DOCK8: variants seen among roughly 807,000 people sequenced by gnomAD.
The protein encoded by DOCK8 is dedicator of cytokinesis 8.
Under a neutral mutation model 245.6 loss-of-function variants are expected in DOCK8, and 141 were observed. That is an observed-to-expected ratio of 0.57 (90% CI 0.50 to 0.66). The LOEUF is 0.66. Ranked by LOEUF, DOCK8 falls within the 30% of genes least tolerant of loss-of-function variation. DOCK8 has a pLI of 0.00. For missense variants in DOCK8, 2,965 were observed against 2,603.4 expected (o/e 1.14, Z -3.02); for synonymous variants, 1,168 against 970.2 (o/e 1.20, Z -3.79).
In DOCK8 at chr9:434,954, C is replaced by T. The variant is rs190854825; in HGVS notation, c.5058C>T (p.Pro1686=). The change falls in exon 39 of 48, where the codon CCC becomes CCT. Residue 1686 remains proline, a synonymous_variant. Transcript: ENST00000432829. ...TGCTGGAGGACCACAGCTACCTGCCCGTGGGCAGTGTCAGCTTCCAGGTAG... is the reference window on the plus strand; with the variant it reads ...TGCTGGAGGACCACAGCTACCTGCCTGTGGGCAGTGTCAGCTTCCAGGTAG... ...LSMLEDHSYL[P]VGSVSFQNIS... is the part of the protein sequence containing the mutation. 1.2e-4 allele frequency: 195 copies of T among 1,613,016 alleles called. No individual in the cohort carries two copies. The highest frequency in any genetic ancestry group is 4.0e-4 in the Admixed American group (24 of 60,026).
At chr9:256,468 G>A (rs1044273181) in intron 1 of DOCK8, among the ~76,000 whole-genome samples, 4 of 152,188 alleles carry the variant, frequency 2.6e-5, no homozygotes, top group African/African-American at 9.7e-5. Flanking sequence ...CCATGAGGGA[G>A]CTGTTATGAG....
chr9:435,026 A>G (rs536746040), intron 39 of DOCK8, 51 bp downstream of exon 39: 2 of 1,599,632 alleles, frequency 1.3e-6, no homozygotes, highest in African/African-American at 1.3e-5. Flanking sequence ...AACTGGGGCG[A>G]TTTTGTCCCC....
intron 4 of DOCK8, 88 bp downstream of exon 4, chr9:289,669 T>C: frequency 8.1e-7 from 1 of 1,235,444 alleles, no homozygotes; most frequent in South Asian, 1.4e-5. Flanking sequence ...TGAACAGTTC[T>C]AGGTTTACAG....
At chr9:398,694 A>T (rs1443218255) in intron 25 of DOCK8, among the ~76,000 whole-genome samples, 1 of 152,186 alleles carries the variant, frequency 6.6e-6, no homozygotes, top group African/African-American at 2.4e-5. Flanking sequence ...TCTTAGGTAA[A>T]AACTAATTCT....
chr9:400,942 C>G (rs1172497092), intron 26 of DOCK8, among the ~76,000 whole-genome samples: 16 of 63,854 alleles, frequency 2.5e-4, no homozygotes, highest in Non-Finnish European at 7.5e-5. Flanking sequence ...CATCCACCAC[C>G]ACCATCACCA....
Position 284,985 on chromosome 9 carries a change from A to G in DOCK8, c.157-1476A>G, listed in dbSNP as rs547581683. 7.2e-5 allele frequency among the ~76,000 whole-genome samples: 11 copies of G among 152,232 alleles called. No individual in the cohort carries two copies. In the South Asian group the frequency reaches 1.7e-3, roughly 23 times the overall value. Reference sequence around the variant, plus strand: ...AGGGAGAGGAGCAGAAAAGATAACTATGTGGTCCTGGGCTTAATACCTGGG... The same window carrying G: ...AGGGAGAGGAGCAGAAAAGATAACTGTGTGGTCCTGGGCTTAATACCTGGG... On this transcript the variant is annotated intron_variant, in intron 2 of 47. Coordinates refer to ENST00000432829, the MANE Select transcript of DOCK8 (RefSeq NM_203447.4).
At chr9:449,245 G>C (rs1194095425) in intron 44 of DOCK8, among the ~76,000 whole-genome samples, 1 of 152,190 alleles carries the variant, frequency 6.6e-6, no homozygotes, top group East Asian at 1.9e-4. Context: ...AGCTACTTGG[G>C]AGGCTGAGGC....
intron 2 of DOCK8, among the ~76,000 whole-genome samples, chr9:282,980 T>A (rs201228744): frequency 1.3e-5 from 2 of 152,358 alleles, no homozygotes; most frequent in East Asian, 3.9e-4. Context: ...GCCAATCTTA[T>A]GAGAAGCTCA....
At chr9:431,697 C>T (rs1004378160) in intron 36 of DOCK8, among the ~76,000 whole-genome samples, 2 of 151,936 alleles carry the variant, frequency 1.3e-5, no homozygotes, top group Non-Finnish European at 2.9e-5. Flanking sequence ...TTAGTAGAGG[C>T]GGGGTTTTGC....
chr9:214,670 C>G, upstream of DOCK8: 1 of 1,594,650 alleles, frequency 6.3e-7, no homozygotes, highest in Non-Finnish European at 8.5e-7. Flanking sequence ...CGGAGGTCGG[C>G]GGCCCCGGGC....
intron 1 of DOCK8, among the ~76,000 whole-genome samples, chr9:226,568 G>A (rs1160612915): frequency 3.3e-5 from 5 of 152,086 alleles, no homozygotes; most frequent in Non-Finnish European, 7.3e-5. Flanking sequence ...GCAGCTCTGG[G>A]ATAACATTCT....
chr9:300,688 T>C (rs931249433), intron 4 of DOCK8, among the ~76,000 whole-genome samples: 4 of 151,830 alleles, frequency 2.6e-5, no homozygotes, highest in Admixed American at 1.3e-4. Flanking sequence ...CTCAGAAATA[T>C]AAAAAATCCT....
At chr9:388,473 G>A (rs927036264) in intron 23 of DOCK8, among the ~76,000 whole-genome samples, 4 of 151,990 alleles carry the variant, frequency 2.6e-5, no homozygotes, top group African/African-American at 9.7e-5. Context: ...TCATCTTTTA[G>A]TTTAGCTAAG....
In DOCK8 at chr9:464,313, T is replaced by C. The variant is rs2057906018; in HGVS notation, c.*94T>C. 2.9e-6 allele frequency: 3 copies of C among 1,034,876 alleles called. No homozygotes were observed. Among genetic ancestry groups the C allele is most frequent in the Admixed American group, 3.4e-5 (2 of 58,844 alleles). The allele number at this position is 1,034,876 out of a possible 1,614,324, so 64.1% of individuals were successfully genotyped here. A position where few individuals can be genotyped will look rare whatever the true frequency, so the allele number is the denominator to read the frequency against. ...AAATGGGACATTTGCCACCCAGGAC[T>C]GACTGTACACTCCCTGATCAGCCAG... On this transcript the variant is annotated 3_prime_UTR_variant, in exon 48 of 48. Coordinates refer to ENST00000432829, the MANE Select transcript of DOCK8 (RefSeq NM_203447.4).
In DOCK8 at chr9:432,213, G is replaced by T; in HGVS notation, c.4674G>T (p.Leu1558Phe). 6.2e-7 allele frequency: 1 copy of T among 1,612,612 alleles called. No individual in the cohort carries two copies. The highest frequency in any genetic ancestry group is 8.5e-7 in the Non-Finnish European group (1 of 1,179,762). Residue 1558 changes from leucine (L) to phenylalanine (F), a missense_variant, in exon 37 of 48, where the codon TTG (leucine) becomes TTT (phenylalanine). Transcript: ENST00000432829. The part of the protein sequence containing the change: ...KMQVTMSLAS[L>F]VGRAPDFNEE... ...AAGTAACCATGTCCCTGGCATCTTT[G>T]GTGGGAAGAGCACCAGACTTTAATG... is the stretch of plus-strand genomic sequence containing the variant.
chr9:252,903 C>A (rs2047683970), intron 1 of DOCK8, among the ~76,000 whole-genome samples: 1 of 152,034 alleles, frequency 6.6e-6, no homozygotes. Flanking sequence ...TTATTATTGT[C>A]CTAATCTAAG....
chr9:388,270 C>G (rs1488513564), intron 23 of DOCK8, among the ~76,000 whole-genome samples: 3 of 152,200 alleles, frequency 2.0e-5, no homozygotes, highest in Non-Finnish European at 4.4e-5. Flanking sequence ...GAGACAGCTT[C>G]ACTTCAGACT....
intron 24 of DOCK8, among the ~76,000 whole-genome samples, chr9:391,121 C>T (rs1253721861): frequency 1.3e-5 from 2 of 152,166 alleles, no homozygotes; most frequent in Non-Finnish European, 2.9e-5. Flanking sequence ...GGCCTCACAG[C>T]CTTTTCCAGA....
At chr9:459,331 T>C (rs962404408) in intron 46 of DOCK8, among the ~76,000 whole-genome samples, 1 of 152,220 alleles carries the variant, frequency 6.6e-6, no homozygotes, top group Non-Finnish European at 1.5e-5. Context: ...AGAAAAAGTA[T>C]ATAAAATAAT....
Sources: gnomAD v4.1 joint callset for allele counts (sites outside exome capture counted in the v4.1 genomes callset) on GRCh38, gnomAD v4.1.1 for gene constraint, MANE v1.5 for transcripts, NCBI Gene and HGNC (gene_info 2026-07-23, HGNC 2026-07-21) for gene names.